The following RIN2 variants were observed in gnomAD, a reference collection of about 807,000 sequenced individuals.
RIN2 encodes the protein RAB5 interacting protein 2.
In RIN2, 36 loss-of-function variants were observed where a neutral mutation model predicts 78.0. The ratio of observed to expected loss-of-function variants is 0.46; its 90% CI spans 0.35 to 0.61. The LOEUF (loss-of-function observed/expected upper bound fraction) is 0.61, where lower values mean the gene tolerates loss of function less well. RIN2 is among the 20% of genes least tolerant of loss of function. RIN2 has a pLI of 0.00. For missense variants in RIN2, 1,087 were observed against 1,159.7 expected, an observed-to-expected ratio of 0.94 and a Z score of 0.91; for synonymous variants, 466 against 466.8, an observed-to-expected ratio of 1.00 and a Z score of 0.02.
chr20:19,877,927 G>T (rs192442264), intron 2 of RIN2, among the ~76,000 whole-genome samples: 1 of 152,268 alleles, frequency 6.6e-6, no homozygotes, highest in East Asian at 1.9e-4. Flanking sequence ...GGCTGTGGTG[G>T]GAGTATCACT....
intron 3 of RIN2, among the ~76,000 whole-genome samples, chr20:19,901,938 C>T (rs6112644): frequency 0.37 from 54,534 of 148,562 alleles, 9,827 homozygotes; most frequent in Admixed American, 0.4. Flanking sequence ...ATCACTCGAA[C>T]CCGGGAGGCG....
intron 2 of RIN2, among the ~76,000 whole-genome samples, chr20:19,813,360 G>A (rs188349795): frequency 6.6e-6 from 1 of 152,284 alleles, no homozygotes; most frequent in African/African-American, 2.4e-5. Flanking sequence ...GTACTTCATG[G>A]CTTCTTTCAA....
At chr20:19,821,234 G>T (rs1421519497) in intron 2 of RIN2, among the ~76,000 whole-genome samples, 2 of 152,150 alleles carry the variant, frequency 1.3e-5, no homozygotes, top group African/African-American at 4.8e-5. Context: ...CTGGTCCAAA[G>T]TTCAACTATT....
chr20:19,840,498 T>C (rs1406399576), intron 2 of RIN2, among the ~76,000 whole-genome samples: 1 of 152,184 alleles, frequency 6.6e-6, no homozygotes, highest in African/African-American at 2.4e-5. Flanking sequence ...TTCCTTTCCA[T>C]AGAGAGCCCT....
intron 1 of RIN2, among the ~76,000 whole-genome samples, chr20:19,784,470 G>T (rs767236290): frequency 3.9e-5 from 6 of 152,062 alleles, no homozygotes; most frequent in Non-Finnish European, 7.4e-5. Flanking sequence ...CACAGTAAAT[G>T]GCATTATTAT....
intron 2 of RIN2, among the ~76,000 whole-genome samples, chr20:19,860,412 C>T (rs34066570): frequency 0.45 from 68,491 of 151,676 alleles, 16,213 homozygotes; most frequent in African/African-American, 0.58. Context: ...GCAACCTCCA[C>T]CTCCTCAAGC....
In RIN2 at chr20:19,920,201, C is replaced by T. The variant is rs1040157172; in HGVS notation, c.58-14898C>T. Among the ~76,000 whole-genome samples the T allele has an allele frequency of 4.6e-4, 69 of 150,476 alleles. 1 individual carries two copies. Among genetic ancestry groups the T allele is most frequent in the Admixed American group, 1.1e-3 (17 of 14,928 alleles). On this transcript the variant is annotated intron_variant, in intron 3 of 12. Coordinates refer to ENST00000255006, the MANE Select transcript of RIN2 (RefSeq NM_018993.4). ...GTCCCAGCTACTTGGGAGGCTGAGGCAGGAGAATGGCGTGAACCCGGGAGG... is the reference window on the plus strand; with the variant it reads ...GTCCCAGCTACTTGGGAGGCTGAGGTAGGAGAATGGCGTGAACCCGGGAGG...
rs1179680227 is a variant in RIN2, at chr20:19,818,710, C to T, written c.-37+18963C>T. ...TGGCTCCATAGCACTCCAGCCTGGG[C>T]GACAGAGCGAGACTCCGTATCAAAA... On this transcript the variant is annotated intron_variant, in intron 2 of 12. Transcript: ENST00000255006. Among the ~76,000 whole-genome samples the T allele has an allele frequency of 1.1e-3, 142 of 132,766 alleles. 1 individual carries two copies. Among genetic ancestry groups the T allele is most frequent in the African/African-American group, 3.3e-3 (112 of 34,008 alleles). The allele number at this position is 132,766 out of a possible 152,430, so 87.1% of individuals were successfully genotyped here. A position where few individuals can be genotyped will look rare whatever the true frequency, so the allele number is the denominator to read the frequency against.
At chr20:19,930,618 G>A (rs1257911809) in intron 3 of RIN2, among the ~76,000 whole-genome samples, 3 of 152,198 alleles carry the variant, frequency 2.0e-5, no homozygotes, top group Non-Finnish European at 2.9e-5. Flanking sequence ...AGGTTTGCCA[G>A]AGGCTGTGGC....
In RIN2 at chr20:19,975,184, G is replaced by A; in HGVS notation, c.1159G>A (p.Glu387Lys). ...LSGGRPGAGP[E>K]LELGTAGSPG... The stretch of plus-strand genomic sequence containing the variant: ...CGGCGGCCGGCCGGGCGCAGGCCCG[G>A]AGCTGGAGCTGGGCACAGCTGGCAG... Residue 387 changes from glutamate to lysine, a missense_variant, in exon 9 of 13, where the codon GAG becomes AAG. Glu to Lys is a moderately conservative substitution (Grantham distance 56). This residue lies in a region of RIN2 where 706 missense variants were observed against 667.5 expected (regional missense o/e 1.06). Coordinates refer to ENST00000255006, the MANE Select transcript of RIN2 (RefSeq NM_018993.4). This position sits in a 1 kb window ranked among gnomAD's most constrained non-coding sequence, Gnocchi z 4.9. 1 of 1,607,508 alleles carries A rather than the reference G, an allele frequency of 6.2e-7. No homozygotes were observed. Among genetic ancestry groups the A allele is most frequent in the Non-Finnish European group, 8.5e-7 (1 of 1,177,298 alleles).
At chr20:19,826,434 G>T (rs953584123) in intron 2 of RIN2, among the ~76,000 whole-genome samples, 1 of 152,122 alleles carries the variant, frequency 6.6e-6, no homozygotes, top group African/African-American at 2.4e-5. Context: ...CCCTGGGGTG[G>T]CCCTTCCCTG....
At chr20:19,962,785 C>T (rs1313606154) in intron 6 of RIN2, among the ~76,000 whole-genome samples, 2 of 152,078 alleles carry the variant, frequency 1.3e-5, no homozygotes, top group East Asian at 1.9e-4. Context: ...GGTGAAACCC[C>T]GTCTCTACTG....
intron 2 of RIN2, among the ~76,000 whole-genome samples, chr20:19,829,771 G>A (rs1395463582): frequency 2.0e-5 from 3 of 152,158 alleles, no homozygotes; most frequent in African/African-American, 4.8e-5. Flanking sequence ...TGGCCACTAC[G>A]GAAGGGGTCA....
intron 1 of RIN2, among the ~76,000 whole-genome samples, chr20:19,794,532 CAAAAAAAAA>C (rs10530809): frequency 3.4e-5 from 3 of 88,572 alleles, no homozygotes; most frequent in East Asian, 3.5e-4. Flanking sequence ...ACCCTGTATC[CAAAAAAAAA>C]AAAAAAAAAA....
In RIN2 at chr20:19,951,573, T is replaced by C. The variant is rs558114724; in HGVS notation, c.159-5042T>C. 1.5e-4 allele frequency among the ~76,000 whole-genome samples: 23 copies of C among 152,352 alleles called. No homozygotes were observed. In the South Asian group the frequency reaches 4.8e-3, roughly 32 times the overall value. ...GGTACCTTTTCATTTTCACAAGTCA[T>C]TAAGTGATCTGTGAGGTGATATTTT... On this transcript the variant is annotated intron_variant, in intron 4 of 12. Transcript: ENST00000255006.
At chr20:19,764,423 C>T (rs866971288) in intron 1 of RIN2, among the ~76,000 whole-genome samples, 3 of 152,190 alleles carry the variant, frequency 2.0e-5, no homozygotes, top group Non-Finnish European at 4.4e-5. Flanking sequence ...CCAGTCACCT[C>T]GTCTATGCAG....
At chr20:19,862,848 A>G (rs1424978209) in intron 2 of RIN2, among the ~76,000 whole-genome samples, 1 of 152,178 alleles carries the variant, frequency 6.6e-6, no homozygotes, top group African/African-American at 2.4e-5. Flanking sequence ...TGCCAAATGC[A>G]CGTTTTCTGA....
intron 7 of RIN2, among the ~76,000 whole-genome samples, chr20:19,966,539 GTC>G (rs749323983): frequency 4.6e-5 from 7 of 152,038 alleles, no homozygotes; most frequent in Non-Finnish European, 8.8e-5. Flanking sequence ...GGCCAGGCTG[GTC>G]TCAAACTCCT....
intron 4 of RIN2, among the ~76,000 whole-genome samples, chr20:19,939,591 C>T (rs1367716402): frequency 1.3e-5 from 2 of 152,168 alleles, no homozygotes; most frequent in Non-Finnish European, 2.9e-5. Flanking sequence ...ATGTGACACC[C>T]CAGCACCCCT....
Sources: gnomAD v4.1 joint callset for allele counts (sites outside exome capture counted in the v4.1 genomes callset) on GRCh38, gnomAD v4.1.1 for gene constraint, gnomAD v4.1.1 regional missense constraint, Gnocchi (gnomAD v3.1) non-coding constraint, MANE v1.5 for transcripts, NCBI Gene and HGNC (gene_info 2026-07-23, HGNC 2026-07-21) for gene names.